The following FIRRM variants were observed in gnomAD, a reference collection of about 807,000 sequenced individuals.
The protein encoded by FIRRM is FIGNL1-interacting regulator of recombination and mitosis.
chr1:169,797,959 G>C, the FIRRM span, among the ~76,000 whole-genome samples: 1 of 152,144 alleles, frequency 6.6e-6, no homozygotes, highest in Non-Finnish European at 1.5e-5. Context: ...AGAATTTATT[G>C]TCGTGTATTT....
chr1:169,817,394 A>C, the FIRRM span, among the ~76,000 whole-genome samples: 45 of 152,366 alleles, frequency 3.0e-4, no homozygotes, highest in African/African-American at 1.1e-3. Flanking sequence ...TGTTAAAGCC[A>C]TAATTGACTG....
chr1:169,811,887 A>G, the FIRRM span, among the ~76,000 whole-genome samples: 3 of 151,816 alleles, frequency 2.0e-5, no homozygotes, highest in African/African-American at 7.3e-5. Context: ...ATAGATAGAT[A>G]GATAGAGCTT....
chr1:169,841,520 C>G, the FIRRM span, among the ~76,000 whole-genome samples: 1 of 152,102 alleles, frequency 6.6e-6, no homozygotes, highest in African/African-American at 2.4e-5. Flanking sequence ...TAAGACCTTC[C>G]CTGTACCCCC....
At chr1:169,853,128 G>C in the FIRRM span, 2 of 796,988 alleles carry the variant, frequency 2.5e-6, no homozygotes, top group Non-Finnish European at 4.0e-6. Context: ...TAGAGAACAG[G>C]ATTGTGGGGA....
At chr1:169,842,601 G>A in the FIRRM span, 11 of 1,574,576 alleles carry the variant, frequency 7.0e-6, no homozygotes, top group Non-Finnish European at 9.5e-6. Context: ...AAAGAGGATT[G>A]TACTGAAATT....
chr1:169,853,830 T>C, the FIRRM span: 1 of 1,585,790 alleles, frequency 6.3e-7, no homozygotes, highest in Non-Finnish European at 8.6e-7. Context: ...GCAAAAATCA[T>C]ACGCAAATTT....
the FIRRM span, among the ~76,000 whole-genome samples, chr1:169,789,719 T>C: frequency 6.6e-6 from 1 of 152,146 alleles, no homozygotes; most frequent in Admixed American, 6.5e-5. Flanking sequence ...TGGAGATTAA[T>C]GGTGGGCAGA....
At chr1:169,797,937 T>C in the FIRRM span, among the ~76,000 whole-genome samples, 1 of 152,210 alleles carries the variant, frequency 6.6e-6, no homozygotes, top group Non-Finnish European at 1.5e-5. Flanking sequence ...TTATTCTTGA[T>C]GGTGTATATG....
At chr1:169,845,400 A>G in the FIRRM span, among the ~76,000 whole-genome samples, 1 of 152,112 alleles carries the variant, frequency 6.6e-6, no homozygotes, top group Non-Finnish European at 1.5e-5. Flanking sequence ...GGCTGTGGCA[A>G]TTTCTTAAAA....
chr1:169,851,741 A>C, the FIRRM span: 2 of 1,546,936 alleles, frequency 1.3e-6, no homozygotes, highest in Non-Finnish European at 1.7e-6. Flanking sequence ...CTCAGCACTT[A>C]AATTATGTGG....
the FIRRM span, chr1:169,823,601 G>C: frequency 1.9e-6 from 1 of 530,724 alleles, no homozygotes; most frequent in Non-Finnish European, 3.3e-6. Context: ...TTATCTGCTA[G>C]CTTGAAATAA....
At chr1:169,852,738 G>T in the FIRRM span, 22 of 1,576,802 alleles carry the variant, frequency 1.4e-5, no homozygotes, top group Non-Finnish European at 1.9e-5. Context: ...CAAAAGGAAG[G>T]TTCTTTATAT....
At chr1:169,816,006 A>G in the FIRRM span, among the ~76,000 whole-genome samples, 1 of 152,180 alleles carries the variant, frequency 6.6e-6, no homozygotes, top group Non-Finnish European at 1.5e-5. Context: ...AGGGCCATTC[A>G]TAACTCTCAA....
the FIRRM span, among the ~76,000 whole-genome samples, chr1:169,833,871 T>A: frequency 4.0e-5 from 4 of 100,428 alleles, no homozygotes; most frequent in Admixed American, 1.0e-4. Flanking sequence ...TTTTTTTTTT[T>A]AAATAGAGAC....
chr1:169,850,465 G>C, the FIRRM span: 1 of 648,106 alleles, frequency 1.5e-6, no homozygotes, highest in Non-Finnish European at 2.7e-6. Context: ...GCTGAGCACA[G>C]TGCTGACGAC....
the FIRRM span, among the ~76,000 whole-genome samples, chr1:169,808,409 GTTGAA>G: frequency 9.9e-5 from 15 of 152,100 alleles, no homozygotes; most frequent in South Asian, 3.1e-3. Context: ...AAGTTAGAGT[GTTGAA>G]TTGGTATCCC....
chr1:169,837,057 C>A, the FIRRM span: 1 of 1,609,826 alleles, frequency 6.2e-7, no homozygotes, highest in East Asian at 2.2e-5. Context: ...GTAGGCACTG[C>A]AGAATGCAGG....
At chr1:169,851,045 C>CTTTTTT in the FIRRM span, 14 of 17,304 alleles carry the variant, frequency 8.1e-4, 2 homozygotes, top group Middle Eastern at 0.11. Flanking sequence ...GCTCAGGGCC[C>CTTTTTT]TTTTTTTTTT....
the FIRRM span, among the ~76,000 whole-genome samples, chr1:169,799,476 G>A: frequency 6.6e-6 from 1 of 152,128 alleles, no homozygotes; most frequent in Non-Finnish European, 1.5e-5. Context: ...TTTTGAGTTA[G>A]CTTTTCTATT....
Sources: gnomAD v4.1 joint callset for allele counts (sites outside exome capture counted in the v4.1 genomes callset) on GRCh38, gnomAD v4.1.1 for gene constraint, MANE v1.5 for transcripts, NCBI Gene and HGNC (gene_info 2026-07-23, HGNC 2026-07-21) for gene names.